Variants in STAG1 observed in about 807,000 individuals in gnomAD.
STAG1 encodes cohesin subunit SA-1.
In STAG1, 26 loss-of-function variants were observed where a neutral mutation model predicts 170.9. The ratio of observed to expected loss-of-function variants is 0.15; its 90% CI spans 0.11 to 0.21. STAG1 has a LOEUF of 0.21. Ranked by LOEUF, STAG1 falls within the 10% of genes least tolerant of loss-of-function variation. The probability of loss-of-function intolerance (pLI) is 1.00; values close to 1 mark genes in which losing one functional copy is unlikely to be tolerated. For missense variants in STAG1, 964 were observed against 1,509.5 expected, an observed-to-expected ratio of 0.64 and a Z score of 5.99; for synonymous variants, 514 against 497.7, an observed-to-expected ratio of 1.03 and a Z score of -0.44.
intron 1 of STAG1, among the ~76,000 whole-genome samples, chr3:136,640,808 GA>G (rs1940764885): frequency 6.6e-6 from 1 of 150,778 alleles, no homozygotes; most frequent in Non-Finnish European, 1.5e-5. Context: ...GAGTAGTTGG[GA>G]TTACAGGCGC....
chr3:136,349,409 A>C (rs1307112743), intron 28 of STAG1, 46 bp from the exon 29 acceptor site: 1 of 1,427,132 alleles, frequency 7.0e-7, no homozygotes, highest in Non-Finnish European at 9.9e-7. Context: ...GAAGCAGTTC[A>C]TACATCACTT....
chr3:136,357,904 A>C, intron 27 of STAG1, 56 bp from the exon 28 acceptor site: 3 of 1,405,372 alleles, frequency 2.1e-6, no homozygotes, highest in Non-Finnish European at 2.9e-6. Context: ...TCTCTCAATT[A>C]GCTAACATTA....
Position 136,444,092 on chromosome 3 carries a change from G to A in STAG1, c.1429-688C>T, listed in dbSNP as rs1399653010. ...AGAATATTATCCTTTTTTTTTTTTT[G>A]AGATGGAGTCTTGCTCTATCGCCCA... is the stretch of plus-strand genomic sequence containing the variant. On this transcript the variant is annotated intron_variant, in intron 14 of 33. Coordinates refer to ENST00000383202, the MANE Select transcript of STAG1 (RefSeq NM_005862.3). Among the ~76,000 whole-genome samples, 2 of 138,962 alleles carry A rather than the reference G, an allele frequency of 1.4e-5. 1 individual carries two copies. The highest frequency in any genetic ancestry group is 4.5e-4 in the South Asian group (2 of 4,422). The allele number at this position is 138,962 out of a possible 152,430, so 91.2% of individuals were successfully genotyped here. A position where few individuals can be genotyped will look rare whatever the true frequency, so the allele number is the denominator to read the frequency against.
intron 22 of STAG1, among the ~76,000 whole-genome samples, chr3:136,390,350 T>C (rs957956159): frequency 6.6e-6 from 1 of 152,230 alleles, no homozygotes; most frequent in Admixed American, 6.5e-5. Context: ...GAATTTGGTA[T>C]GAATAGACAC....
intron 10 of STAG1, 113 bp from the exon 11 acceptor site, chr3:136,473,750 AT>A: frequency 1.4e-6 from 1 of 724,328 alleles, no homozygotes; most frequent in Non-Finnish European, 2.4e-6. Flanking sequence ...GCATATTGTA[AT>A]TCAACATAGG....
intron 21 of STAG1, 21 bp from the exon 22 acceptor site, chr3:136,398,850 T>C (rs201937911): frequency 1.3e-5 from 19 of 1,497,094 alleles, no homozygotes; most frequent in Non-Finnish European, 1.5e-5. Flanking sequence ...TGAAAAAAAA[T>C]TTTTTTAATG....
At chr3:136,427,072 A>AC (rs1424311251) in intron 16 of STAG1, among the ~76,000 whole-genome samples, 3 of 151,434 alleles carry the variant, frequency 2.0e-5, no homozygotes, top group Admixed American at 6.6e-5. Context: ...AAAAAAAAAA[A>AC]AAAAAAATTA....
At chr3:136,714,966 T>TAA (rs1393561506) in intron 1 of STAG1, among the ~76,000 whole-genome samples, 2 of 102,462 alleles carry the variant, frequency 2.0e-5, no homozygotes, top group East Asian at 4.7e-4. Flanking sequence ...TATATATATT[T>TAA]TATATATATA....
chr3:136,435,298 G>A (rs2088425732), intron 15 of STAG1, among the ~76,000 whole-genome samples: 1 of 152,098 alleles, frequency 6.6e-6, no homozygotes, highest in Non-Finnish European at 1.5e-5. Flanking sequence ...CTAAGAGATA[G>A]GAACTAATAT....
intron 23 of STAG1, among the ~76,000 whole-genome samples, chr3:136,375,769 G>C (rs1354679336): frequency 6.6e-6 from 1 of 151,480 alleles, no homozygotes; most frequent in Non-Finnish European, 1.5e-5. Flanking sequence ...AGGAGTTTGA[G>C]ACCAGCCTGG....
intron 9 of STAG1, among the ~76,000 whole-genome samples, chr3:136,493,664 A>AG (rs1333451918): frequency 6.6e-6 from 1 of 151,458 alleles, no homozygotes; most frequent in Non-Finnish European, 1.5e-5. Context: ...CCGAAAAAAA[A>AG]AAAAAAAAAA....
chr3:136,746,420 TA>T (rs1934937245), intron 1 of STAG1, among the ~76,000 whole-genome samples: 1 of 151,582 alleles, frequency 6.6e-6, no homozygotes, highest in Admixed American at 6.6e-5. Flanking sequence ...AAACTAATTA[TA>T]AATGATGAGC....
At chr3:136,631,060 C>T (rs1441257019) in intron 1 of STAG1, 79 bp from the exon 2 acceptor site, 2 of 644,530 alleles carry the variant, frequency 3.1e-6, no homozygotes, top group African/African-American at 3.7e-5. Context: ...ATCCACACCA[C>T]TACCAGTGAT....
chr3:136,445,753 C>T (rs898739580), intron 14 of STAG1, among the ~76,000 whole-genome samples: 1 of 152,192 alleles, frequency 6.6e-6, no homozygotes, highest in Non-Finnish European at 1.5e-5. Flanking sequence ...CTTTCTATCC[C>T]TCTTAATGCT....
intron 3 of STAG1, among the ~76,000 whole-genome samples, chr3:136,612,097 T>C (rs760008414): frequency 1.6e-4 from 24 of 151,984 alleles, no homozygotes; most frequent in Non-Finnish European, 3.2e-4. Flanking sequence ...TCTGCCCGCC[T>C]CGGCCTCCCA....
chr3:136,751,775 C>G (rs1468448077), intron 1 of STAG1, among the ~76,000 whole-genome samples: 1 of 151,096 alleles, frequency 6.6e-6, no homozygotes, highest in African/African-American at 2.4e-5. Context: ...CGGCCCGGCC[C>G]CGCTGGGCGC....
intron 4 of STAG1, among the ~76,000 whole-genome samples, chr3:136,602,880 C>T (rs1938738574): frequency 6.6e-6 from 1 of 152,018 alleles, no homozygotes. Context: ...AGCTTAATGG[C>T]AAAAGGTCAC....
At chr3:136,456,070 G>A (rs998158850) in intron 13 of STAG1, among the ~76,000 whole-genome samples, 1 of 152,162 alleles carries the variant, frequency 6.6e-6, no homozygotes, top group Non-Finnish European at 1.5e-5. Flanking sequence ...GCAAAAAAGT[G>A]GAAGCGGTAG....
intron 19 of STAG1, among the ~76,000 whole-genome samples, chr3:136,421,584 G>C (rs1419613454): frequency 6.6e-6 from 1 of 152,000 alleles, no homozygotes; most frequent in East Asian, 1.9e-4. Context: ...TCAGTTACAT[G>C]GTCATCAGAG....
Sources: allele counts gnomAD v4.1 joint callset (sites outside exome capture counted in the v4.1 genomes callset), GRCh38; gene constraint gnomAD v4.1.1; transcripts MANE v1.5; gene names NCBI Gene and HGNC (gene_info 2026-07-23, HGNC 2026-07-21).